The following TOPBP1 variants were observed in gnomAD, a reference collection of about 807,000 sequenced individuals.
The protein encoded by TOPBP1 is DNA topoisomerase 2-binding protein 1.
Under a neutral mutation model 167.7 loss-of-function variants are expected in TOPBP1, and 28 were observed. That is an observed-to-expected ratio of 0.17 (90% CI 0.12 to 0.23). The LOEUF (loss-of-function observed/expected upper bound fraction) is 0.23, where lower values mean the gene tolerates loss of function less well. Among genes scored for constraint, TOPBP1 ranks in the 10% least tolerant of loss-of-function variants. The pLI, the probability that TOPBP1 is intolerant of heterozygous loss-of-function variation, is 1.00. For synonymous variants in TOPBP1, 598 were observed against 611.4 expected (o/e 0.98, Z 0.32); for missense variants, 1,554 against 1,809.6 (o/e 0.86, Z 2.56).
intron 14 of TOPBP1, among the ~76,000 whole-genome samples, chr3:133,630,256 C>T (rs1361790606): frequency 6.7e-6 from 1 of 148,438 alleles, no homozygotes; most frequent in Non-Finnish European, 1.5e-5. Context: ...ATAATACCCA[C>T]GTATTTATTT....
intron 5 of TOPBP1, 64 bp downstream of exon 5, chr3:133,656,612 A>G (rs56219058): frequency 0.014 from 20,518 of 1,488,626 alleles, 309 homozygotes; most frequent in African/African-American, 0.072. Context: ...AGTATATCAC[A>G]TGCCAAAAAT....
At chr3:133,650,360 T>TGG (rs1476756123) in intron 8 of TOPBP1, among the ~76,000 whole-genome samples, 55 of 77,604 alleles carry the variant, frequency 7.1e-4, no homozygotes, top group Admixed American at 4.8e-3. Flanking sequence ...AAATTGTGTG[T>TGG]GTGTGGGGGG....
intron 27 of TOPBP1, among the ~76,000 whole-genome samples, chr3:133,606,771 T>A (rs1934506945): frequency 6.6e-6 from 1 of 152,006 alleles, no homozygotes; most frequent in African/African-American, 2.4e-5. Context: ...GAAAATCTGT[T>A]CAACAAATGG....
chr3:133,607,995 C>G (rs1934545904), intron 27 of TOPBP1, among the ~76,000 whole-genome samples: 1 of 152,102 alleles, frequency 6.6e-6, no homozygotes, highest in African/African-American at 2.4e-5. Context: ...AAATCTAATC[C>G]TTATGATTAT....
intron 12 of TOPBP1, among the ~76,000 whole-genome samples, chr3:133,642,503 G>C (rs962217491): frequency 3.3e-5 from 5 of 152,152 alleles, no homozygotes; most frequent in Non-Finnish European, 7.4e-5. Context: ...TATCACTGTA[G>C]TATAGTTTAA....
At chr3:133,630,181 C>T (rs1011792102) in intron 14 of TOPBP1, among the ~76,000 whole-genome samples, 19 of 151,630 alleles carry the variant, frequency 1.3e-4, no homozygotes, top group Non-Finnish European at 2.5e-4. Context: ...TTAATATATT[C>T]GCTTGTATGA....
chr3:133,635,076 A>G (rs890700598), intron 14 of TOPBP1, among the ~76,000 whole-genome samples: 1 of 152,192 alleles, frequency 6.6e-6, no homozygotes, highest in African/African-American at 2.4e-5. Flanking sequence ...AATAATAAAG[A>G]ATACTATTTA....
intron 27 of TOPBP1, among the ~76,000 whole-genome samples, chr3:133,603,775 TAAAC>T (rs1464435398): frequency 4.0e-5 from 6 of 150,920 alleles, no homozygotes; most frequent in East Asian, 3.9e-4. Context: ...TTGATATAAC[TAAAC>T]AAACAAAAAA....
At chr3:133,610,927 TTC>T in intron 25 of TOPBP1, 75 bp downstream of exon 25, 2 of 1,392,724 alleles carry the variant, frequency 1.4e-6, no homozygotes, top group Non-Finnish European at 1.9e-6. Context: ...CTGAAGCACA[TTC>T]TCTTTTAAAA....
chr3:133,659,125 T>C lies in TOPBP1; in HGVS notation c.110A>G (p.Glu37Gly), dbSNP rs1481428850. Residue 37 changes from glutamate (E) to glycine (G), a missense_variant, in exon 3 of 28, where the codon GAA becomes GGA. By Grantham distance (98) the Glu-to-Gly change is moderately conservative. This residue lies in a region of TOPBP1 where 1,197 missense variants were observed against 1,351.5 expected (regional missense o/e 0.89). Coordinates refer to ENST00000260810, the MANE Select transcript of TOPBP1 (RefSeq NM_007027.4). ...LESIKEFQSE[E>G]YLQIITEEEA... ...TTCTTCTGTAATAATCTGAAGATAT[T>C]CTTCTGATTGGAATTCTTTTATGGA... 2 of 1,572,956 alleles carry C rather than the reference T, an allele frequency of 1.3e-6. No homozygotes were observed. Among genetic ancestry groups the C allele is most frequent in the African/African-American group, 2.7e-5 (2 of 73,966 alleles).
At position 133,656,527 on chromosome 3, in the gene TOPBP1, T is replaced by C. The variant is rs922611866; in HGVS notation, c.545+149A>G. On this transcript the variant is annotated intron_variant, in intron 5 of 27. Coordinates refer to ENST00000260810, the MANE Select transcript of TOPBP1 (RefSeq NM_007027.4). ...CTTATATCTTGGTAATAAGAGCTTG[T>C]AGATTCTGCTCTTCCGTTTTCGCTG... The C allele has an allele frequency of 1.6e-5, 11 of 698,700 alleles. No homozygotes were observed. The Admixed American group carries it at 2.2e-4, about 14-fold the overall frequency. 43.3% of individuals were successfully genotyped at this position (698,700 alleles called of 1,614,324 possible). A position where few individuals can be genotyped will look rare whatever the true frequency, so the allele number is the denominator to read the frequency against.
intron 4 of TOPBP1, 68 bp downstream of exon 4, chr3:133,657,730 T>C: frequency 1.5e-6 from 2 of 1,304,504 alleles, no homozygotes; most frequent in Non-Finnish European, 2.0e-6. Flanking sequence ...CTATCTTCTA[T>C]GCAGTGAAAA....
At chr3:133,632,859 A>G (rs1367569137) in intron 14 of TOPBP1, among the ~76,000 whole-genome samples, 1 of 152,004 alleles carries the variant, frequency 6.6e-6, no homozygotes, top group Non-Finnish European at 1.5e-5. Context: ...TGCGTCCTCT[A>G]TCTCCTGGAC....
chr3:133,601,983 TG>T (rs1259348944), intron 27 of TOPBP1, among the ~76,000 whole-genome samples: 1 of 152,148 alleles, frequency 6.6e-6, no homozygotes, highest in Admixed American at 6.5e-5. Context: ...CCATAGAGCC[TG>T]GAGAATAAAC....
At chr3:133,627,970 A>C (rs1015110128) in intron 16 of TOPBP1, 4 of 164,864 alleles carry the variant, frequency 2.4e-5, no homozygotes, top group African/African-American at 9.6e-5. Context: ...GAGGGCTCTA[A>C]TCTGAAAAAT....
chr3:133,620,335 G>C lies in TOPBP1; in HGVS notation c.3191C>G (p.Thr1064Ser), dbSNP rs764484746. The change falls in exon 20 of 28, where the codon ACC (threonine) becomes AGC (serine). Residue 1064 changes from threonine to serine, a missense_variant. Around this residue, in one of 3 missense-constraint regions of TOPBP1, gnomAD observed 1,197 missense variants for 1,351.5 expected, o/e 0.89. Transcript: ENST00000260810. The stretch of plus-strand genomic sequence containing the variant: ...CTGAAAGTTCTCTCTCATCTCTAAG[G>C]TCTGTGTCAGAACTTGAAACAAACA... ...KNDSKGVLTQ[T>S]LEMRENFQKQ... The C allele has an allele frequency of 8.7e-6, 14 of 1,613,308 alleles. No individual in the cohort carries two copies. The East Asian group carries it at 3.1e-4, about 36-fold the overall frequency.
intron 23 of TOPBP1, among the ~76,000 whole-genome samples, chr3:133,616,411 C>A (rs946087650): frequency 6.6e-6 from 1 of 152,104 alleles, no homozygotes; most frequent in Non-Finnish European, 1.5e-5. Context: ...CACGAGCCAC[C>A]GTGCCTGGCC....
chr3:133,648,139 A>G (rs890148725), intron 10 of TOPBP1, among the ~76,000 whole-genome samples: 5 of 152,210 alleles, frequency 3.3e-5, no homozygotes, highest in African/African-American at 4.8e-5. Context: ...TGACAGACTG[A>G]TATCTGACCT....
intron 5 of TOPBP1, among the ~76,000 whole-genome samples, chr3:133,656,117 A>T (rs1490321888): frequency 1.3e-5 from 2 of 151,316 alleles, no homozygotes; most frequent in Non-Finnish European, 2.9e-5. Context: ...GTGCCCCTTG[A>T]AATAGGCTCT....
Sources: allele counts gnomAD v4.1 joint callset (sites outside exome capture counted in the v4.1 genomes callset), GRCh38; gene constraint gnomAD v4.1.1; regional missense constraint gnomAD v4.1.1; transcripts MANE v1.5; gene names NCBI Gene and HGNC (gene_info 2026-07-23, HGNC 2026-07-21).